The following PEBP4 variants were observed in gnomAD, a reference collection of about 807,000 sequenced individuals.
PEBP4 encodes phosphatidylethanolamine-binding protein 4.
In PEBP4, 22 loss-of-function variants were observed where a neutral mutation model predicts 23.9. That is an observed-to-expected ratio of 0.92 (90% CI 0.66 to 1.31). The LOEUF (loss-of-function observed/expected upper bound fraction) is 1.31, where lower values mean the gene tolerates loss of function less well. PEBP4 is among the 40% of genes most tolerant of loss of function. The pLI, the probability that PEBP4 is intolerant of heterozygous loss-of-function variation, is 0.00. For synonymous variants in PEBP4, 112 were observed against 99.3 expected (o/e 1.13, Z -0.76); for missense variants, 324 against 281.7 (o/e 1.15, Z -1.07).
chr8:22,928,394 G>A (rs957965318), upstream of PEBP4, among the ~76,000 whole-genome samples: 11 of 152,236 alleles, frequency 7.2e-5, no homozygotes, highest in African/African-American at 2.2e-4. Flanking sequence ...AGAAGGGTGC[G>A]TCTGGGTGCA....
intron 4 of PEBP4, among the ~76,000 whole-genome samples, chr8:22,766,624 C>G (rs1805619758): frequency 6.6e-6 from 1 of 152,172 alleles, no homozygotes. Context: ...TGGGGGTAAC[C>G]AAAAATGGAG....
chr8:22,855,049 C>A (rs1472274033), intron 3 of PEBP4, among the ~76,000 whole-genome samples: 1 of 144,884 alleles, frequency 6.9e-6, no homozygotes, highest in Non-Finnish European at 1.5e-5. Flanking sequence ...CACACATGCA[C>A]CCCAGGAAAG....
intron 4 of PEBP4, among the ~76,000 whole-genome samples, chr8:22,763,216 G>C (rs769097478): frequency 1.3e-5 from 2 of 152,086 alleles, no homozygotes; most frequent in Non-Finnish European, 2.9e-5. Flanking sequence ...TGTTGGCCAG[G>C]CTGGTCTCGA....
intron 6 of PEBP4, among the ~76,000 whole-genome samples, chr8:22,722,043 C>T (rs1032031702): frequency 3.3e-5 from 5 of 152,138 alleles, no homozygotes; most frequent in Admixed American, 3.3e-4. Flanking sequence ...CCAGGTTCGT[C>T]GTCTCCAAAG....
intron 3 of PEBP4, among the ~76,000 whole-genome samples, chr8:22,900,754 G>C (rs768356940): frequency 4.6e-5 from 7 of 152,110 alleles, no homozygotes; most frequent in African/African-American, 7.2e-5. Context: ...ACTCAGATCT[G>C]TCTATCCTAT....
chr8:22,896,117 A>C (rs1808585117), intron 3 of PEBP4: 1 of 152,264 alleles, frequency 6.6e-6, no homozygotes. Flanking sequence ...GAAAAGTGCC[A>C]CTGGAACCTA....
chr8:22,796,730 G>A (rs1009260675), intron 4 of PEBP4, among the ~76,000 whole-genome samples: 1 of 152,198 alleles, frequency 6.6e-6, no homozygotes, highest in Non-Finnish European at 1.5e-5. Flanking sequence ...TTACAAGTGA[G>A]AGCTAAACAG....
chr8:22,924,250 G>T (rs1809276625), intron 2 of PEBP4, among the ~76,000 whole-genome samples: 1 of 152,144 alleles, frequency 6.6e-6, no homozygotes. Flanking sequence ...TGTAGTCCCA[G>T]CTACTCAGGA....
intron 3 of PEBP4, among the ~76,000 whole-genome samples, chr8:22,848,120 C>T (rs987628799): frequency 2.0e-5 from 3 of 152,022 alleles, no homozygotes; most frequent in East Asian, 1.9e-4. Flanking sequence ...TGATGTCTGT[C>T]GGTCCATGTG....
At chr8:22,927,026 T>C (rs1809351810) in intron 2 of PEBP4, among the ~76,000 whole-genome samples, 1 of 152,140 alleles carries the variant, frequency 6.6e-6, no homozygotes, top group Non-Finnish European at 1.5e-5. Context: ...GCTTTCCAGC[T>C]TACCCAAAGT....
chr8:22,937,086 T>C (rs1809551277), intron 1 of PEBP4, among the ~76,000 whole-genome samples: 1 of 152,180 alleles, frequency 6.6e-6, no homozygotes, highest in African/African-American at 2.4e-5. Context: ...ATATAGAAAG[T>C]TCTAGCCAGA....
chr8:22,791,564 G>T (rs867837511), intron 4 of PEBP4, among the ~76,000 whole-genome samples: 30 of 151,702 alleles, frequency 2.0e-4, no homozygotes, highest in African/African-American at 7.3e-4. Flanking sequence ...GCGCGTGCTT[G>T]TGTGTGCGCG....
In PEBP4 at chr8:22,901,673, G is replaced by T. The variant is rs1284252591; in HGVS notation, c.258+18511C>A. Among the ~76,000 whole-genome samples, 4 of 152,220 alleles carry T rather than the reference G, an allele frequency of 2.6e-5. No individual in the cohort carries two copies. In the East Asian group the frequency reaches 7.7e-4, roughly 29 times the overall value. ...CTACTCAAAGGATCCCGGGCTGGGG[G>T]ATTTGCAGGCTGTGTAGGAGCACGC... On this transcript the variant is annotated intron_variant, in intron 3 of 6. Coordinates refer to ENST00000256404, the MANE Select transcript of PEBP4 (RefSeq NM_144962.3).
intron 3 of PEBP4, among the ~76,000 whole-genome samples, chr8:22,898,389 C>T (rs1455016414): frequency 1.2e-5 from 1 of 86,688 alleles, no homozygotes; most frequent in South Asian, 4.8e-4. Context: ...AAGACTCCAC[C>T]CCAAAAAAAA....
At chr8:22,816,643 G>C (rs1417410953) in intron 4 of PEBP4, among the ~76,000 whole-genome samples, 1 of 152,202 alleles carries the variant, frequency 6.6e-6, no homozygotes, top group Non-Finnish European at 1.5e-5. Flanking sequence ...ATGCCCAGAG[G>C]AGCCGACAGA....
At chr8:22,870,500 C>T (rs530118074) in intron 3 of PEBP4, among the ~76,000 whole-genome samples, 4 of 152,134 alleles carry the variant, frequency 2.6e-5, no homozygotes, top group Non-Finnish European at 4.4e-5. Context: ...TATGATATTA[C>T]AATTGTGGAG....
intron 6 of PEBP4, among the ~76,000 whole-genome samples, chr8:22,722,797 G>C (rs188530004): frequency 1.3e-5 from 2 of 149,640 alleles, no homozygotes; most frequent in African/African-American, 2.5e-5. Flanking sequence ...TTTTTGAGAC[G>C]GAGTCTCTCT....
intron 3 of PEBP4, among the ~76,000 whole-genome samples, chr8:22,916,810 G>A (rs988845132): frequency 1.3e-5 from 2 of 152,212 alleles, no homozygotes; most frequent in Admixed American, 6.5e-5. Context: ...AACTTACAAA[G>A]TGCTTGAAGC....
chr8:22,847,685 G>A (rs1349383303), intron 3 of PEBP4, among the ~76,000 whole-genome samples: 1 of 152,154 alleles, frequency 6.6e-6, no homozygotes, highest in Non-Finnish European at 1.5e-5. Context: ...GTAAACCCTA[G>A]CCCCTGTCCC....
Sources: gnomAD v4.1 joint callset for allele counts (sites outside exome capture counted in the v4.1 genomes callset) on GRCh38, gnomAD v4.1.1 for gene constraint, MANE v1.5 for transcripts, NCBI Gene and HGNC (gene_info 2026-07-23, HGNC 2026-07-21) for gene names.